The following RTF1 variants were observed in gnomAD, a reference collection of about 807,000 sequenced individuals.
The protein encoded by RTF1 is RTF1 homolog, Paf1/RNA polymerase II complex component.
Under a neutral mutation model 95.7 loss-of-function variants are expected in RTF1, and 10 were observed. That is an observed-to-expected ratio of 0.10 (90% CI 0.06 to 0.18). The LOEUF (loss-of-function observed/expected upper bound fraction) is 0.18. Among genes scored for constraint, RTF1 ranks in the 10% least tolerant of loss-of-function variants. The pLI, the probability that RTF1 is intolerant of heterozygous loss-of-function variation, is 1.00. For missense variants in RTF1, 458 were observed against 875.6 expected (o/e 0.52, Z 6.02); for synonymous variants, 305 against 311.8 (o/e 0.98, Z 0.23).
chr15:41,456,818 G>T (rs1479527970), intron 3 of RTF1, among the ~76,000 whole-genome samples: 1 of 151,740 alleles, frequency 6.6e-6, no homozygotes, highest in Non-Finnish European at 1.5e-5. Context: ...GAGCATGGTG[G>T]CTCACACCTG....
At chr15:41,435,819 G>A (rs1044395332) in intron 1 of RTF1, among the ~76,000 whole-genome samples, 4 of 152,138 alleles carry the variant, frequency 2.6e-5, no homozygotes, top group African/African-American at 9.7e-5. Flanking sequence ...CACCATCATC[G>A]TTAAGGAATA....
chr15:41,480,697 G>T lies in RTF1; in HGVS notation c.*10G>T. 6.3e-7 allele frequency: 1 copy of T among 1,594,982 alleles called. No homozygotes were observed. Among genetic ancestry groups the T allele is most frequent in the Non-Finnish European group, 8.6e-7 (1 of 1,162,520 alleles). On this transcript the variant is annotated 3_prime_UTR_variant, in exon 18 of 18. Coordinates refer to ENST00000389629, the MANE Select transcript of RTF1 (RefSeq NM_015138.5). ...ACGAGGGCTTATTTGAGCACACCCA[G>T]CCTGCTGCTTCTGACCCTGCATGCC...
At chr15:41,436,456 CAAAAAAA>C (rs1029344817) in intron 1 of RTF1, among the ~76,000 whole-genome samples, 2 of 63,894 alleles carry the variant, frequency 3.1e-5, no homozygotes, top group African/African-American at 1.2e-4. Flanking sequence ...GACTCCGTCT[CAAAAAAA>C]AAAAAAAAAA....
chr15:41,447,799 G>C (rs1335885791), intron 2 of RTF1, among the ~76,000 whole-genome samples: 1 of 152,042 alleles, frequency 6.6e-6, no homozygotes, highest in Non-Finnish European at 1.5e-5. Flanking sequence ...TCTCATTCTT[G>C]GCTTATGTTT....
At chr15:41,468,396 C>A (rs1348495375) in intron 6 of RTF1, among the ~76,000 whole-genome samples, 1 of 151,972 alleles carries the variant, frequency 6.6e-6, no homozygotes, top group African/African-American at 2.4e-5. Flanking sequence ...CGGCTCACTG[C>A]AAGCTCCGCC....
rs1595437176 is a variant in RTF1 at position 41,464,874 on chromosome 15, C to A, written c.766C>A (p.Gln256Lys). 1 of 1,528,532 alleles carries A rather than the reference C, an allele frequency of 6.5e-7. No homozygotes were observed. Among genetic ancestry groups the A allele is most frequent in the South Asian group, 1.3e-5 (1 of 78,490 alleles). The allele number at this position is 1,528,532 out of a possible 1,614,324, so 94.7% of individuals were successfully genotyped here. A position where few individuals can be genotyped will look rare whatever the true frequency, so the allele number is the denominator to read the frequency against. ...EQEKKKLTQI[Q>K]ESQVTSHNKE... is the part of the protein sequence containing the mutation. ...AGAAAAGAAAAAACTGACACAGATT[C>A]AAGAATCTCAGGTAGGAGATTCAGT... Residue 256 changes from glutamine (Q) to lysine (K), a missense_variant, in exon 5 of 18, where the codon CAA (glutamine) becomes AAA (lysine). Transcript: ENST00000389629.
In RTF1 at chr15:41,463,135, T is replaced by C. The variant is rs142786597; in HGVS notation, c.663-1636T>C. Among the ~76,000 whole-genome samples the C allele has an allele frequency of 2.2e-3, 334 of 152,370 alleles. 1 individual carries two copies. Among genetic ancestry groups the C allele is most frequent in the African/African-American group, 7.6e-3 (317 of 41,590 alleles). ...TCACTTAGTATGTTTTTGAGGTTTA[T>C]CCATTTAGCATGTATTAGTACTTCA... On this transcript the variant is annotated intron_variant, in intron 4 of 17. Coordinates refer to ENST00000389629, the MANE Select transcript of RTF1 (RefSeq NM_015138.5).
intron 5 of RTF1, 77 bp from the exon 6 acceptor site, chr15:41,466,064 A>C: frequency 2.5e-5 from 22 of 879,992 alleles, no homozygotes; most frequent in Non-Finnish European, 3.0e-5. Flanking sequence ...TTGGAGGACT[A>C]AATGCATTAA....
chr15:41,436,768 T>G (rs577681761), intron 1 of RTF1, among the ~76,000 whole-genome samples: 1 of 152,046 alleles, frequency 6.6e-6, no homozygotes, highest in East Asian at 1.9e-4. Flanking sequence ...CACTCTAGAC[T>G]GGGCAACAGA....
intron 2 of RTF1, 60 bp from the exon 3 acceptor site, chr15:41,452,841 G>C: frequency 7.7e-7 from 1 of 1,294,282 alleles, no homozygotes; most frequent in Non-Finnish European, 1.0e-6. Flanking sequence ...GAGTCTTCCA[G>C]CTTTTCCCAA....
chr15:41,473,637 A>C (rs919995081), intron 8 of RTF1, among the ~76,000 whole-genome samples: 6 of 152,136 alleles, frequency 3.9e-5, no homozygotes, highest in African/African-American at 1.2e-4. Context: ...ATCAGAGCTC[A>C]TTGCAACCTT....
intron 2 of RTF1, chr15:41,448,753 A>C (rs1460753700): frequency 1.3e-5 from 2 of 151,916 alleles, no homozygotes; most frequent in East Asian, 1.9e-4. Flanking sequence ...AAAATAGGGA[A>C]TATTTCACGA....
intron 9 of RTF1, 82 bp from the exon 10 acceptor site, chr15:41,475,443 G>T (rs2050937474): frequency 9.6e-7 from 1 of 1,044,668 alleles, no homozygotes; most frequent in Non-Finnish European, 1.5e-6. Context: ...TATATAGGTG[G>T]TACATAGTCT....
In RTF1 at chr15:41,439,176, C is replaced by T. The variant is rs187056814; in HGVS notation, c.309+745C>T. On this transcript the variant is annotated intron_variant, in intron 2 of 17. Transcript: ENST00000389629. ...CCTACTGACTAGCTGGGACTACAGG[C>T]ACCCGCCACCAGGCCTGGCTAATTT... is the stretch of plus-strand genomic sequence containing the variant. Among the ~76,000 whole-genome samples the T allele has an allele frequency of 6.6e-5, 10 of 151,648 alleles. No homozygotes were observed. In the East Asian group the frequency reaches 1.8e-3, roughly 27 times the overall value.
intron 7 of RTF1, 134 bp downstream of exon 7, chr15:41,470,526 TC>T: frequency 1.1e-6 from 1 of 881,512 alleles, no homozygotes; most frequent in Non-Finnish European, 1.8e-6. Context: ...TGAACTGAGT[TC>T]CCCAGCACGT....
intron 2 of RTF1, 80 bp from the exon 3 acceptor site, chr15:41,452,821 C>CT: frequency 9.5e-7 from 1 of 1,055,418 alleles, no homozygotes; most frequent in Non-Finnish European, 1.3e-6. Context: ...GCCAGAGACT[C>CT]TTAACTCTTG....
In RTF1 at chr15:41,466,174, C is replaced by A; in HGVS notation, c.811C>A (p.Arg271=). 6.3e-7 allele frequency: 1 copy of A among 1,589,958 alleles called. No homozygotes were observed. The highest frequency in any genetic ancestry group is 8.6e-7 in the Non-Finnish European group (1 of 1,169,214). ...CCACAACAAGGAACGGCGTTCCAAG[C>A]GGGATGAGAAACTAGACAAGAAATC... is the stretch of plus-strand genomic sequence containing the variant. The part of the protein sequence containing the change: ...TSHNKERRSK[R]DEKLDKKSQA... Residue 271 remains arginine (R), a synonymous_variant, in exon 6 of 18, where the codon CGG becomes AGG. Coordinates refer to ENST00000389629, the MANE Select transcript of RTF1 (RefSeq NM_015138.5).
intron 4 of RTF1, among the ~76,000 whole-genome samples, chr15:41,461,561 C>T (rs1360205968): frequency 1.3e-5 from 2 of 150,832 alleles, no homozygotes; most frequent in African/African-American, 2.4e-5. Context: ...GGCGCAACCT[C>T]GGCTGACTGC....
intron 5 of RTF1, 90 bp from the exon 6 acceptor site, chr15:41,466,051 A>G: frequency 1.3e-6 from 1 of 788,186 alleles, no homozygotes; most frequent in South Asian, 2.2e-5. Context: ...ATATAGATTG[A>G]TGTTGGAGGA....
Sources: allele counts gnomAD v4.1 joint callset (sites outside exome capture counted in the v4.1 genomes callset), GRCh38; gene constraint gnomAD v4.1.1; transcripts MANE v1.5; gene names NCBI Gene and HGNC (gene_info 2026-07-23, HGNC 2026-07-21).